The following PICALM variants were observed in gnomAD, a reference collection of about 807,000 sequenced individuals.
PICALM encodes the protein phosphatidylinositol-binding clathrin assembly protein.
A neutral mutation model predicts 80.5 loss-of-function variants in PICALM; 40 were observed. The ratio of observed to expected loss-of-function variants is 0.50; its 90% confidence interval spans 0.39 to 0.65. The LOEUF (loss-of-function observed/expected upper bound fraction) is 0.65, where lower values mean the gene tolerates loss of function less well. PICALM is among the 30% of genes least tolerant of loss of function. The pLI is 0.00. For synonymous variants in PICALM, 288 were observed against 260.3 expected (o/e 1.11, Z -1.02); for missense variants, 676 against 778.9 (o/e 0.87, Z 1.57).
intron 1 of PICALM, among the ~76,000 whole-genome samples, chr11:86,062,872 C>T (rs929257191): frequency 6.6e-6 from 1 of 152,168 alleles, no homozygotes; most frequent in Non-Finnish European, 1.5e-5. Context: ...TAAGACAGAA[C>T]ACAAAGTAAC....
chr11:86,067,786 T>G (rs1488993975), intron 1 of PICALM, among the ~76,000 whole-genome samples: 1 of 152,144 alleles, frequency 6.6e-6, no homozygotes, highest in African/African-American at 2.4e-5. Context: ...GATAAGAGTA[T>G]CAGCAAAATG....
At chr11:85,959,620 C>T (rs903985845) in intron 19 of PICALM, among the ~76,000 whole-genome samples, 65 of 96,664 alleles carry the variant, frequency 6.7e-4, no homozygotes, top group African/African-American at 2.7e-3. Flanking sequence ...GAGACAAGAG[C>T]GAAACTCCAT....
chr11:86,051,818 C>A (rs2096193924), intron 1 of PICALM, among the ~76,000 whole-genome samples: 1 of 152,164 alleles, frequency 6.6e-6, no homozygotes, highest in Non-Finnish European at 1.5e-5. Context: ...GATTGCCTGA[C>A]CTCTAGTCAA....
At chr11:86,003,028 A>AC (rs1361644668) in intron 9 of PICALM, among the ~76,000 whole-genome samples, 1 of 152,028 alleles carries the variant, frequency 6.6e-6, no homozygotes, top group Non-Finnish European at 1.5e-5. Flanking sequence ...AGAAAAAAAA[A>AC]ATGTATCTTA....
intron 8 of PICALM, among the ~76,000 whole-genome samples, chr11:86,005,848 A>G (rs2136184252): frequency 6.6e-6 from 1 of 152,260 alleles, no homozygotes; most frequent in East Asian, 1.9e-4. Flanking sequence ...CTAAAGTGTA[A>G]ATAGCTTTGT....
At chr11:85,992,110 A>G (rs2094799807) in intron 12 of PICALM, among the ~76,000 whole-genome samples, 1 of 152,142 alleles carries the variant, frequency 6.6e-6, no homozygotes, top group African/African-American at 2.4e-5. Context: ...GGCCTCCCAA[A>G]GTGCTGGGAT....
chr11:86,017,272 T>C (rs552668122), intron 4 of PICALM, among the ~76,000 whole-genome samples: 1 of 151,532 alleles, frequency 6.6e-6, no homozygotes, highest in Non-Finnish European at 1.5e-5. Flanking sequence ...CCTACCATGG[T>C]AGATTCCAAA....
chr11:86,023,828 T>C (rs576102440), intron 3 of PICALM, among the ~76,000 whole-genome samples: 1 of 152,220 alleles, frequency 6.6e-6, no homozygotes, highest in East Asian at 1.9e-4. Context: ...CTGGCTTCTG[T>C]TTAAGATTTC....
chr11:86,068,958 C>T lies in PICALM; in HGVS notation c.-178G>A, dbSNP rs1007859219. 2.7e-5 allele frequency: 20 copies of T among 743,454 alleles called. No homozygotes were observed. The highest frequency in any genetic ancestry group is 3.8e-5 in the Non-Finnish European group (18 of 479,614). The allele number at this position is 743,454 out of a possible 1,614,324, so 46.1% of individuals were successfully genotyped here. On this transcript the variant is annotated 5_prime_UTR_variant, in exon 1 of 20. Coordinates refer to ENST00000393346, the MANE Select transcript of PICALM (RefSeq NM_007166.4). The stretch of plus-strand genomic sequence containing the variant: ...GCCACCAGTCCAGAGAGAACCGGCT[C>T]GTGTCACCCGCGGAGTCGGACAAGA...
At chr11:85,993,170 C>T (rs564039732) in intron 12 of PICALM, among the ~76,000 whole-genome samples, 17 of 151,580 alleles carry the variant, frequency 1.1e-4, no homozygotes, top group East Asian at 9.7e-4. Context: ...ACTGCAGCCT[C>T]GACCTTTCTG....
chr11:86,000,452 C>T (rs185685560), intron 11 of PICALM, among the ~76,000 whole-genome samples, 191 bp downstream of exon 11: 289 of 152,214 alleles, frequency 1.9e-3, no homozygotes, highest in Non-Finnish European at 3.4e-3. Context: ...TCTTCCATTT[C>T]GTAAATACGT....
intron 2 of PICALM, among the ~76,000 whole-genome samples, chr11:86,027,270 A>C (rs1401174198): frequency 6.6e-6 from 1 of 152,220 alleles, no homozygotes; most frequent in Non-Finnish European, 1.5e-5. Context: ...ATGAATTATT[A>C]GGCCAGCACA....
At chr11:85,999,323 G>A (rs955429861) in intron 11 of PICALM, among the ~76,000 whole-genome samples, 17 of 152,174 alleles carry the variant, frequency 1.1e-4, no homozygotes, top group African/African-American at 4.1e-4. Context: ...TAAATGGGCT[G>A]TAAGATTTGC....
chr11:85,973,450 C>T (rs1268556923), intron 19 of PICALM, among the ~76,000 whole-genome samples: 8 of 152,086 alleles, frequency 5.3e-5, no homozygotes, highest in South Asian at 2.1e-4. Flanking sequence ...CAAGCATGTC[C>T]GTGAGCAAGA....
chr11:85,963,921 T>A (rs1304989371), intron 19 of PICALM, among the ~76,000 whole-genome samples: 7 of 14,130 alleles, frequency 5.0e-4, no homozygotes, highest in Middle Eastern at 0.04. Flanking sequence ...CACACCTGGC[T>A]TTTTTTTTTT....
intron 19 of PICALM, 133 bp downstream of exon 19, chr11:85,974,575 T>C (rs763785002): frequency 1.2e-5 from 9 of 735,272 alleles, no homozygotes; most frequent in South Asian, 2.8e-5. Context: ...AAGAAAGATA[T>C]GAAGCAAGCA....
At chr11:86,027,469 T>A (rs577638393) in intron 2 of PICALM, among the ~76,000 whole-genome samples, 2 of 151,986 alleles carry the variant, frequency 1.3e-5, no homozygotes, top group East Asian at 3.9e-4. Context: ...AATAATCAAC[T>A]AGGATGTACA....
At chr11:85,960,823 G>T in intron 19 of PICALM, 1 of 886,752 alleles carries the variant, frequency 1.1e-6, no homozygotes, top group Non-Finnish European at 1.5e-6. Flanking sequence ...AAAGATCTCA[G>T]AATGACAGAA....
chr11:85,989,423 T>C (rs1401625962), intron 13 of PICALM, among the ~76,000 whole-genome samples: 1 of 152,176 alleles, frequency 6.6e-6, no homozygotes, highest in Non-Finnish European at 1.5e-5. Context: ...CTGATGACTT[T>C]CTGCATGCTG....
Sources: allele counts gnomAD v4.1 joint callset (sites outside exome capture counted in the v4.1 genomes callset), GRCh38; gene constraint gnomAD v4.1.1; transcripts MANE v1.5; gene names NCBI Gene and HGNC (gene_info 2026-07-23, HGNC 2026-07-21).